Variants in CLIP1 observed in about 807,000 individuals in gnomAD.
CLIP1 encodes CAP-Gly domain-containing linker protein 1.
Under a neutral mutation model 161.6 loss-of-function variants are expected in CLIP1, and 66 were observed. That is an observed-to-expected ratio of 0.41 (90% confidence interval 0.33 to 0.50). The LOEUF (loss-of-function observed/expected upper bound fraction) is 0.50. Among genes scored for constraint, CLIP1 ranks in the 20% least tolerant of loss-of-function variants. CLIP1 has a pLI of 0.27. For synonymous variants in CLIP1, 598 were observed against 626.2 expected (o/e 0.96, Z 0.67); for missense variants, 1,376 against 1,702.0 (o/e 0.81, Z 3.37).
chr12:122,334,562 G>A (rs1166715041), intron 13 of CLIP1, 86 bp downstream of exon 13: 3 of 885,752 alleles, frequency 3.4e-6, no homozygotes, highest in South Asian at 2.9e-5. Context: ...TACGAGCAGT[G>A]TAACTCTGTG....
At chr12:122,370,958 AAAAAAAAAAAAG>A (rs1188495725) in intron 3 of CLIP1, among the ~76,000 whole-genome samples, 2 of 106,876 alleles carry the variant, frequency 1.9e-5, no homozygotes, top group African/African-American at 4.6e-5. Flanking sequence ...ACTCTGTCTC[AAAAAAAAAAAAG>A]AAAAAAAAAA....
intron 10 of CLIP1, 170 bp from the exon 11 acceptor site, chr12:122,341,867 T>A (rs1952527113): frequency 2.3e-6 from 1 of 436,868 alleles, no homozygotes; most frequent in African/African-American, 2.3e-5. Flanking sequence ...CACTGCAACC[T>A]CCACCTCCTG....
At chr12:122,285,623 G>A (rs946980595) in intron 21 of CLIP1, among the ~76,000 whole-genome samples, 1 of 148,958 alleles carries the variant, frequency 6.7e-6, no homozygotes, top group Admixed American at 6.7e-5. Context: ...ACAGGCGTGA[G>A]CCACCGCACC....
chr12:122,396,933 A>ATTT (rs34381270), intron 1 of CLIP1, among the ~76,000 whole-genome samples: 1,167 of 75,058 alleles, frequency 0.016, 92 homozygotes, highest in East Asian at 0.022. Flanking sequence ...CACCCGGCAA[A>ATTT]TTTTTTTTTT....
At position 122,334,646 on chromosome 12, in the gene CLIP1, AC is replaced by A; in HGVS notation, c.2626+1del. On this transcript the variant is annotated splice_donor_variant, in intron 13 of 25. Transcript: ENST00000620786. LOFTEE classifies it high-confidence loss of function. The stretch of plus-strand genomic sequence containing the variant: ...ATCTGCACACGCTCTGGTAAGACAT[AC>A]CTTGCATACTTCTCTGAACAGAGAC... The A allele has an allele frequency of 6.3e-7, 1 of 1,578,598 alleles. No homozygotes were observed. Among genetic ancestry groups the A allele is most frequent in the Non-Finnish European group, 8.6e-7 (1 of 1,157,796 alleles).
intron 3 of CLIP1, among the ~76,000 whole-genome samples, chr12:122,367,294 A>G (rs574205449): frequency 3.9e-5 from 6 of 152,294 alleles, no homozygotes; most frequent in Admixed American, 6.5e-5. Context: ...ATGTCACAAA[A>G]TTTGTCTGAA....
chr12:122,368,712 G>A (rs186671486), intron 3 of CLIP1, among the ~76,000 whole-genome samples: 118 of 152,156 alleles, frequency 7.8e-4, no homozygotes, highest in Middle Eastern at 3.4e-3. Flanking sequence ...GGAGGCCGAG[G>A]CAGGCAGATC....
chr12:122,290,745 G>T (rs993360868), intron 20 of CLIP1, among the ~76,000 whole-genome samples: 2 of 151,958 alleles, frequency 1.3e-5, no homozygotes, highest in Non-Finnish European at 2.9e-5. Context: ...AGAGATGTTT[G>T]ATATTTATCA....
At chr12:122,398,503 G>A (rs1397595258) in intron 1 of CLIP1, among the ~76,000 whole-genome samples, 2 of 151,732 alleles carry the variant, frequency 1.3e-5, no homozygotes, top group African/African-American at 4.8e-5. Flanking sequence ...ATTATAATGT[G>A]AATAATTAAA....
intron 1 of CLIP1, chr12:122,400,152 A>G (rs993702808): frequency 6.6e-6 from 1 of 152,160 alleles, no homozygotes; most frequent in African/African-American, 2.4e-5. Flanking sequence ...GACCTTTCCA[A>G]ATTGACTTGT....
chr12:122,333,008 T>C lies in CLIP1; in HGVS notation c.2846A>G (p.Asp949Gly). The C allele has an allele frequency of 6.2e-7, 1 of 1,613,684 alleles. No homozygotes were observed. The highest frequency in any genetic ancestry group is 1.1e-5 in the South Asian group (1 of 90,918). Residue 949 changes from aspartate (D) to glycine (G), a missense_variant, in exon 15 of 26, where the codon GAT (aspartate) becomes GGT (glycine). Around this residue, in one of 6 missense-constraint regions of CLIP1, gnomAD observed 948 missense variants for 1,134.8 expected, o/e 0.84. Transcript: ENST00000620786. The part of the protein sequence containing the change: ...DNSSQLTKMN[D>G]ELRLKERDVE... The stretch of plus-strand genomic sequence containing the variant: ...ATACCTTTCTTTCAGACGTAATTCA[T>C]CGTTCATTTTTGTCAGCTGAGAAGA...
At chr12:122,350,471 G>A (rs766943044) in intron 9 of CLIP1, among the ~76,000 whole-genome samples, 4 of 151,954 alleles carry the variant, frequency 2.6e-5, no homozygotes, top group Non-Finnish European at 4.4e-5. Flanking sequence ...CTCTCACTTC[G>A]GTAATAACAA....
intron 3 of CLIP1, among the ~76,000 whole-genome samples, chr12:122,377,084 A>C (rs1954775683): frequency 6.7e-6 from 1 of 149,052 alleles, no homozygotes; most frequent in African/African-American, 2.5e-5. Context: ...ATCTCGGCTC[A>C]CTGCAACCTC....
chr12:122,362,829 T>C (rs1011430583), intron 4 of CLIP1, among the ~76,000 whole-genome samples: 2 of 151,624 alleles, frequency 1.3e-5, no homozygotes, highest in African/African-American at 4.8e-5. Flanking sequence ...TATTAACTAT[T>C]AATGTCTATT....
intron 20 of CLIP1, among the ~76,000 whole-genome samples, chr12:122,307,648 G>C (rs191261675): frequency 6.6e-6 from 1 of 152,166 alleles, no homozygotes; most frequent in African/African-American, 2.4e-5. Flanking sequence ...ACTGGAGAAA[G>C]CAACTAAGTG....
intron 20 of CLIP1, among the ~76,000 whole-genome samples, chr12:122,295,009 T>A (rs1009543914): frequency 6.9e-6 from 1 of 145,222 alleles, no homozygotes; most frequent in Admixed American, 6.8e-5. Context: ...TGAGCCAAGA[T>A]TGTGCCATTG....
In CLIP1 at chr12:122,278,829, T is replaced by C. The variant is rs1453871282; in HGVS notation, c.3879A>G (p.Gln1293=). The change falls in exon 23 of 26, where the codon CAA becomes CAG. Residue 1293 remains glutamine, a synonymous_variant. Coordinates refer to ENST00000620786, the MANE Select transcript of CLIP1 (RefSeq NM_001247997.2). ...TGAGCTGCCTCTTGTTTTCTTTGAGTTGAAGCTCCAAGTTCTTTACCTTGA... is the reference window on the plus strand; with the variant it reads ...TGAGCTGCCTCTTGTTTTCTTTGAGCTGAAGCTCCAAGTTCTTTACCTTGA... ...LELKVKNLEL[Q]LKENKRQLSS... The C allele has an allele frequency of 3.7e-6, 6 of 1,608,350 alleles. No homozygotes were observed. The Admixed American group carries it at 5.1e-5, about 14-fold the overall frequency.
chr12:122,334,643 C>A lies in CLIP1; in HGVS notation c.2626+5G>T. ...GCAATCTGCACACGCTCTGGTAAGA[C>A]ATACCTTGCATACTTCTCTGAACAG... On this transcript the variant is annotated splice_donor_5th_base_variant and intron_variant, in intron 13 of 25. Transcript: ENST00000620786. 1 of 1,575,072 alleles carries A rather than the reference C, an allele frequency of 6.3e-7. No individual in the cohort carries two copies. Among genetic ancestry groups the A allele is most frequent in the Non-Finnish European group, 8.7e-7 (1 of 1,155,042 alleles).
At chr12:122,385,125 G>C (rs1955195540) in intron 1 of CLIP1, among the ~76,000 whole-genome samples, 1 of 151,924 alleles carries the variant, frequency 6.6e-6, no homozygotes, top group South Asian at 2.1e-4. Flanking sequence ...TAGAGACGGG[G>C]TTTCACCATA....
Sources: allele counts gnomAD v4.1 joint callset (sites outside exome capture counted in the v4.1 genomes callset), GRCh38; gene constraint gnomAD v4.1.1; regional missense constraint gnomAD v4.1.1; transcripts MANE v1.5; gene names NCBI Gene and HGNC (gene_info 2026-07-23, HGNC 2026-07-21).